LRIG1: variants seen among roughly 807,000 people sequenced by gnomAD.
The protein encoded by LRIG1 is leucine-rich repeats and immunoglobulin-like domains protein 1.
LRIG1 carries 48 observed loss-of-function variants against 99.2 expected under a neutral mutation model. That is an observed-to-expected ratio of 0.48 (90% confidence interval 0.38 to 0.62). The LOEUF is 0.62. Among genes scored for constraint, LRIG1 ranks in the 20% least tolerant of loss-of-function variants. The pLI is 0.00. For synonymous variants in LRIG1, 772 were observed against 596.1 expected (o/e 1.29, Z -4.30); for missense variants, 1,646 against 1,434.4 (o/e 1.15, Z -2.38).
At chr3:66,481,368 T>G (rs1044334112) in intron 1 of LRIG1, among the ~76,000 whole-genome samples, 2 of 152,230 alleles carry the variant, frequency 1.3e-5, no homozygotes, top group Admixed American at 1.3e-4. Flanking sequence ...GGCCTGGTTG[T>G]TCATTAATAT....
chr3:66,493,357 T>C (rs1355574117), intron 1 of LRIG1, among the ~76,000 whole-genome samples: 2 of 152,230 alleles, frequency 1.3e-5, no homozygotes, highest in Middle Eastern at 3.2e-3. Flanking sequence ...ACATAACTAT[T>C]TGTACAACTG....
At chr3:66,419,331 G>T (rs1241294693) in intron 3 of LRIG1, among the ~76,000 whole-genome samples, 2 of 152,158 alleles carry the variant, frequency 1.3e-5, no homozygotes, top group Non-Finnish European at 2.9e-5. Flanking sequence ...TTCATTCGCT[G>T]AATCAAACAC....
intron 1 of LRIG1, chr3:66,469,071 A>G (rs1700540335): frequency 6.6e-6 from 1 of 152,230 alleles, no homozygotes; most frequent in Admixed American, 6.5e-5. Context: ...TTATATTAAG[A>G]TGACAAAATT....
At chr3:66,479,214 G>A (rs963372749) in intron 1 of LRIG1, among the ~76,000 whole-genome samples, 5 of 152,200 alleles carry the variant, frequency 3.3e-5, no homozygotes, top group Admixed American at 1.3e-4. Flanking sequence ...GACCTGCCTC[G>A]GAACAGAGGA....
At position 66,381,571 on chromosome 3, in the gene LRIG1, C is replaced by T. The variant is rs934834172; in HGVS notation, c.2678G>A (p.Arg893Lys). ...PEPDTHSVAC[R>K]QPKLCAGSAY... ...AGACCCAGCACAGAGCTTTGGCTGC[C>T]TGCAGGCAACGCTGTGAGTGTCGGG... The change falls in exon 17 of 19, where the codon AGG becomes AAG. Residue 893 changes from arginine to lysine, a missense_variant. Coordinates refer to ENST00000273261, the MANE Select transcript of LRIG1 (RefSeq NM_015541.3). The T allele has an allele frequency of 2.5e-6, 4 of 1,614,010 alleles. No homozygotes were observed. In the African/African-American group the frequency reaches 5.3e-5, roughly 22 times the overall value.
chr3:66,465,357 A>ATTT lies in LRIG1; in HGVS notation c.219-2851_219-2849dup, dbSNP rs59148647. On this transcript the variant is annotated intron_variant, in intron 1 of 18. Coordinates refer to ENST00000273261, the MANE Select transcript of LRIG1 (RefSeq NM_015541.3). ...TTCAAGAAGACAAACTCTGAGCATA[A>ATTT]TTTTTTTTTTTTTTTTTTTTTTTTT... Among the ~76,000 whole-genome samples the ATTT allele has an allele frequency of 1.4e-3, 92 of 67,718 alleles. 1 individual carries two copies. The highest frequency in any genetic ancestry group is 2.8e-3 in the African/African-American group (58 of 20,478). 44.4% of individuals were successfully genotyped at this position (67,718 alleles called of 152,430 possible). A position where few individuals can be genotyped will look rare whatever the true frequency, so the allele number is the denominator to read the frequency against.
chr3:66,463,095 C>G (rs1700392874), intron 1 of LRIG1, among the ~76,000 whole-genome samples: 1 of 152,154 alleles, frequency 6.6e-6, no homozygotes, highest in Admixed American at 6.5e-5. Context: ...TGTTAAATAT[C>G]TTACAATGCA....
chr3:66,405,161 G>T (rs752258124), intron 9 of LRIG1, 37 bp downstream of exon 9: 1 of 1,579,956 alleles, frequency 6.3e-7, no homozygotes, highest in Non-Finnish European at 8.7e-7. Context: ...TGTGTCCCGC[G>T]CATTTGCCGG....
intron 17 of LRIG1, among the ~76,000 whole-genome samples, chr3:66,381,148 G>C (rs1701034869): frequency 2.0e-5 from 3 of 152,160 alleles, no homozygotes; most frequent in Non-Finnish European, 2.9e-5. Context: ...ATGCAGTGTT[G>C]GGTCTTTTCA....
At chr3:66,415,166 A>T in intron 4 of LRIG1, 103 bp from the exon 5 acceptor site, 1 of 1,189,474 alleles carries the variant, frequency 8.4e-7, no homozygotes. Flanking sequence ...AGATGAGTTA[A>T]GACACCAGAG....
intron 2 of LRIG1, among the ~76,000 whole-genome samples, chr3:66,455,017 T>G (rs1220491360): frequency 1.3e-5 from 2 of 152,210 alleles, no homozygotes; most frequent in Non-Finnish European, 2.9e-5. Context: ...TGATCTCGGC[T>G]CACTGTAACC....
At chr3:66,480,474 A>G (rs1318105749) in intron 1 of LRIG1, among the ~76,000 whole-genome samples, 2 of 148,842 alleles carry the variant, frequency 1.3e-5, no homozygotes, top group Non-Finnish European at 3.0e-5. Context: ...AAGCTATTTA[A>G]AAAAAAAAAA....
chr3:66,381,108 A>G (rs332372), intron 17 of LRIG1, among the ~76,000 whole-genome samples: 108,359 of 152,184 alleles, frequency 0.71, 39,706 homozygotes, highest in African/African-American at 0.89. Context: ...TTACTGCTTC[A>G]CGGGGGAAAA....
intron 11 of LRIG1, among the ~76,000 whole-genome samples, chr3:66,397,071 G>A (rs541204179): frequency 1.3e-4 from 20 of 152,336 alleles, no homozygotes; most frequent in African/African-American, 4.1e-4. Flanking sequence ...CCATGAACCC[G>A]TCACAGACAC....
intron 3 of LRIG1, among the ~76,000 whole-genome samples, chr3:66,424,439 T>C (rs1217957305): frequency 2.6e-5 from 4 of 152,194 alleles, no homozygotes; most frequent in African/African-American, 9.7e-5. Context: ...GTTGATGCCA[T>C]GGAAACGTGT....
intron 2 of LRIG1, among the ~76,000 whole-genome samples, chr3:66,460,267 G>A (rs985650321): frequency 6.6e-6 from 1 of 152,184 alleles, no homozygotes; most frequent in Non-Finnish European, 1.5e-5. Flanking sequence ...ACTAAGTTTG[G>A]AGATGTACAC....
At chr3:66,384,392 T>C in intron 13 of LRIG1, 120 bp from the exon 14 acceptor site, 1 of 1,123,270 alleles carries the variant, frequency 8.9e-7, no homozygotes, top group South Asian at 1.4e-5. Context: ...TTTCTCCCAA[T>C]GTCTGCCCAG....
intron 13 of LRIG1, among the ~76,000 whole-genome samples, chr3:66,385,494 C>A (rs922021054): frequency 7.9e-5 from 12 of 152,194 alleles, no homozygotes; most frequent in Non-Finnish European, 1.8e-4. Context: ...ACTTTGACAC[C>A]CAGGCTGGAA....
At chr3:66,418,769 A>C (rs555452883) in intron 3 of LRIG1, among the ~76,000 whole-genome samples, 44 of 151,956 alleles carry the variant, frequency 2.9e-4, no homozygotes, top group Admixed American at 8.5e-4. Context: ...ATAAACAAGG[A>C]CCTCTTTCCC....
Sources: gnomAD v4.1 joint callset for allele counts (sites outside exome capture counted in the v4.1 genomes callset) on GRCh38, gnomAD v4.1.1 for gene constraint, MANE v1.5 for transcripts, NCBI Gene and HGNC (gene_info 2026-07-23, HGNC 2026-07-21) for gene names.